The following ACSM3 variants were observed in gnomAD, a reference collection of about 807,000 sequenced individuals.
The protein encoded by ACSM3 is acyl-coenzyme A synthetase ACSM3, mitochondrial.
Under a neutral mutation model 74.1 loss-of-function variants are expected in ACSM3, and 61 were observed. The observed-to-expected ratio is 0.82, with a 90% confidence interval of 0.67 to 1.02. ACSM3 has a LOEUF of 1.02. ACSM3 is among the 50% of genes least tolerant of loss of function. The probability of loss-of-function intolerance (pLI) is 0.00; values close to 1 mark genes in which losing one functional copy is unlikely to be tolerated. For missense variants in ACSM3, 660 were observed against 697.0 expected (o/e 0.95, Z 0.60); for synonymous variants, 213 against 241.5 (o/e 0.88, Z 1.09).
chr16:20,742,010 G>A lies in ACSM3; in HGVS notation c.-189-7900G>A. ...GCATAGCAGCCATTCTGGAAGTGGT[G>A]TCGGTGGCTCCTCAAGCCCTTGAAG... On this transcript the variant is annotated intron_variant, in intron 1 of 3. Transcript: ENST00000561584. 3 of 1,482,150 alleles carry A rather than the reference G, an allele frequency of 2.0e-6. No homozygotes were observed. In the East Asian group the frequency reaches 7.8e-5, roughly 39 times the overall value. 91.8% of individuals were successfully genotyped at this position (1,482,150 alleles called of 1,614,324 possible). A position where few individuals can be genotyped will look rare whatever the true frequency, so the allele number is the denominator to read the frequency against.
chr16:20,781,114 C>T lies in ACSM3; in HGVS notation c.923C>T (p.Pro308Leu), dbSNP rs550153768. 2.0e-5 allele frequency: 32 copies of T among 1,613,880 alleles called. No individual in the cohort carries two copies. Among genetic ancestry groups the T allele is most frequent in the East Asian group, 4.5e-5 (2 of 44,884 alleles). ...ACACACCATTTACCCCGTTTTGAGC[C>T]GACTTCTATCTTGCAAGTAAGCCAA... The part of the protein sequence containing the change: ...VFTHHLPRFE[P>L]TSILQTLSKY... Residue 308 changes from proline (P) to leucine (L), a missense_variant, in exon 6 of 14, where the codon CCG (proline) becomes CTG (leucine). Pro to Leu is a moderately conservative substitution (Grantham distance 98, BLOSUM62 -3). Coordinates refer to ENST00000289416, the MANE Select transcript of ACSM3 (RefSeq NM_005622.4).
At chr16:20,772,545 G>C (rs1443565441) in intron 2 of ACSM3, among the ~76,000 whole-genome samples, 1 of 152,114 alleles carries the variant, frequency 6.6e-6, no homozygotes, top group Admixed American at 6.5e-5. Flanking sequence ...TATATGGTGA[G>C]AGAGAGGGCT....
chr16:20,702,585 T>C (rs986713317), intron 1 of ACSM3, among the ~76,000 whole-genome samples: 1 of 152,198 alleles, frequency 6.6e-6, no homozygotes, highest in Non-Finnish European at 1.5e-5. Context: ...TTTTTTCAAA[T>C]GTTTGTTGGC....
intron 1 of ACSM3, chr16:20,738,762 A>C: frequency 9.9e-7 from 1 of 1,008,020 alleles, no homozygotes; most frequent in Non-Finnish European, 1.5e-6. Flanking sequence ...CCAACTGCTA[A>C]TACAGTGTAC....
At chr16:20,792,802 A>T in intron 12 of ACSM3, 1 of 727,270 alleles carries the variant, frequency 1.4e-6, no homozygotes, top group Non-Finnish European at 1.7e-6. Flanking sequence ...TAGGTAAATA[A>T]GTAGAGATTT....
intron 1 of ACSM3, among the ~76,000 whole-genome samples, chr16:20,687,960 C>T (rs1316682338): frequency 6.6e-6 from 1 of 151,896 alleles, no homozygotes; most frequent in Non-Finnish European, 1.5e-5. Context: ...TTGCATGCAC[C>T]TGTAATCCCA....
At position 20,790,511 on chromosome 16, in the gene ACSM3, A is replaced by G; in HGVS notation, c.1225-76A>G. On this transcript the variant is annotated intron_variant, in intron 9 of 13. Transcript: ENST00000289416. The surrounding 1 kb of genome is among the most constrained non-coding windows in gnomAD (Gnocchi z 4.0). ...TTTTTAAATGGCAAAAGCCAAAATA[A>G]AACTTGCAAAGTTAATATTTAAGCT... 1 of 1,419,678 alleles carries G rather than the reference A, an allele frequency of 7.0e-7. No individual in the cohort carries two copies. The highest frequency in any genetic ancestry group is 9.7e-7 in the Non-Finnish European group (1 of 1,027,360). 87.9% of individuals were successfully genotyped at this position (1,419,678 alleles called of 1,614,324 possible). A position where few individuals can be genotyped will look rare whatever the true frequency, so the allele number is the denominator to read the frequency against.
chr16:20,741,375 G>T, intron 1 of ACSM3: 1 of 1,142,932 alleles, frequency 8.7e-7, no homozygotes, highest in Non-Finnish European at 1.2e-6. Flanking sequence ...GGAAACGCCG[G>T]CGAGGCCACG....
chr16:20,769,165 G>T (rs577765987), intron 1 of ACSM3, among the ~76,000 whole-genome samples: 1 of 152,248 alleles, frequency 6.6e-6, no homozygotes, highest in Non-Finnish European at 1.5e-5. Context: ...AATATATATT[G>T]CATTGTAGGA....
chr16:20,683,530 C>T (rs2079487562), intron 1 of ACSM3, among the ~76,000 whole-genome samples: 1 of 152,098 alleles, frequency 6.6e-6, no homozygotes, highest in Non-Finnish European at 1.5e-5. Flanking sequence ...CCATCTTTCT[C>T]CCCTACACCT....
chr16:20,777,657 A>T (rs916653279), intron 4 of ACSM3, 77 bp downstream of exon 4: 5 of 1,307,676 alleles, frequency 3.8e-6, no homozygotes, highest in Non-Finnish European at 5.3e-6. Context: ...CCCAGCAGTG[A>T]TTAGAAAAAT....
intron 3 of ACSM3, among the ~76,000 whole-genome samples, chr16:20,758,095 T>C (rs2080046382): frequency 6.6e-6 from 1 of 152,214 alleles, no homozygotes; most frequent in Admixed American, 6.5e-5. Flanking sequence ...TCTAAAATTC[T>C]CTTTTTTGGT....
chr16:20,756,627 T>C (rs2080033894), intron 3 of ACSM3, among the ~76,000 whole-genome samples: 1 of 152,240 alleles, frequency 6.6e-6, no homozygotes, highest in South Asian at 2.1e-4. Context: ...GTGCAGAAGC[T>C]CTTTAGTTTA....
At chr16:20,745,666 A>G (rs2079954896) in intron 1 of ACSM3, among the ~76,000 whole-genome samples, 1 of 152,158 alleles carries the variant, frequency 6.6e-6, no homozygotes, top group African/African-American at 2.4e-5. Flanking sequence ...TGATCTGAGG[A>G]TGTTACCTTT....
chr16:20,739,554 C>T (rs886946593), intron 1 of ACSM3, among the ~76,000 whole-genome samples: 1 of 152,104 alleles, frequency 6.6e-6, no homozygotes, highest in Non-Finnish European at 1.5e-5. Flanking sequence ...GAAGTGGTGG[C>T]TCATGCCCAT....
rs181282975 is a variant in ACSM3 at position 20,691,385 on chromosome 16, A to G, written c.-190+16563A>G. ...GCACCCCTGATTGATTTTGGTGGGG[A>G]TTTATCTTCCCAGCTGAGGAACCAC... is the stretch of plus-strand genomic sequence containing the variant. On this transcript the variant is annotated intron_variant, in intron 1 of 3. Coordinates refer to the ACSM3 transcript ENST00000561584. The G allele has an allele frequency of 7.3e-4, 370 of 509,096 alleles. 1 individual carries two copies. Among genetic ancestry groups the G allele is most frequent in the Non-Finnish European group, 1.0e-3 (307 of 293,478 alleles). 31.5% of individuals were successfully genotyped at this position (509,096 alleles called of 1,614,324 possible). A position where few individuals can be genotyped will look rare whatever the true frequency, so the allele number is the denominator to read the frequency against.
At chr16:20,732,040 C>T (rs1364324350) in intron 1 of ACSM3, among the ~76,000 whole-genome samples, 3 of 152,130 alleles carry the variant, frequency 2.0e-5, no homozygotes, top group African/African-American at 7.2e-5. Flanking sequence ...TTTTTAGGGA[C>T]AGCACTTGAC....
At chr16:20,734,758 C>T (rs1226425145) in intron 1 of ACSM3, 1 of 152,120 alleles carries the variant, frequency 6.6e-6, no homozygotes, top group East Asian at 1.9e-4. Context: ...CCCCTAAACC[C>T]CTGCAGAGAA....
At chr16:20,746,804 T>C (rs2079959719) in intron 1 of ACSM3, among the ~76,000 whole-genome samples, 1 of 152,180 alleles carries the variant, frequency 6.6e-6, no homozygotes, top group Admixed American at 6.5e-5. Flanking sequence ...CCCCATCACC[T>C]CTAATTCATT....
Sources: allele counts gnomAD v4.1 joint callset (sites outside exome capture counted in the v4.1 genomes callset), GRCh38; gene constraint gnomAD v4.1.1; non-coding constraint Gnocchi (gnomAD v3.1); transcripts MANE v1.5; gene names NCBI Gene and HGNC (gene_info 2026-07-23, HGNC 2026-07-21).